ZNF254: variants seen among roughly 807,000 people sequenced by gnomAD.
The protein encoded by ZNF254 is zinc finger protein 254.
In ZNF254, 10 loss-of-function variants were observed where a neutral mutation model predicts 12.4. The ratio of observed to expected loss-of-function variants is 0.80; its 90% confidence interval spans 0.50 to 1.36. The LOEUF (loss-of-function observed/expected upper bound fraction) is 1.36, where lower values mean the gene tolerates loss of function less well. Ranked by LOEUF, ZNF254 falls within the 40% of genes most tolerant of loss-of-function variation. ZNF254 has a pLI of 0.00. For synonymous variants in ZNF254, 305 were observed against 253.4 expected, an observed-to-expected ratio of 1.20 and a Z score of -1.93; for missense variants, 996 against 763.9, an observed-to-expected ratio of 1.30 and a Z score of -3.58.
At chr19:24,122,029 A>ATGAGCTATTGAG in intron 3 of ZNF254, among the ~76,000 whole-genome samples, 1 of 152,172 alleles carries the variant, frequency 6.6e-6, no homozygotes, top group South Asian at 2.1e-4. Context: ...AATATAATTT[A>ATGAGCTATTGAG]AAACTCCCAT....
At chr19:24,048,160 G>C (rs1229656977) in intron 2 of ZNF254, among the ~76,000 whole-genome samples, 1 of 151,960 alleles carries the variant, frequency 6.6e-6, no homozygotes, top group Non-Finnish European at 1.5e-5. Flanking sequence ...ACACCATCAG[G>C]TGACCAGATG....
chr19:24,106,319 T>A, intron 2 of ZNF254: 1 of 549,210 alleles, frequency 1.8e-6, no homozygotes. Context: ...TTGTTACATC[T>A]TAAAATCCAT....
chr19:24,121,996 T>C (rs1473789960), intron 3 of ZNF254, among the ~76,000 whole-genome samples: 1 of 152,180 alleles, frequency 6.6e-6, no homozygotes, highest in Admixed American at 6.5e-5. Flanking sequence ...GATTTTTGTG[T>C]GGGAGAAACA....
intron 1 of ZNF254, among the ~76,000 whole-genome samples, chr19:24,089,921 T>C (rs1386515261): frequency 6.6e-6 from 1 of 151,196 alleles, no homozygotes; most frequent in Non-Finnish European, 1.5e-5. Flanking sequence ...CCAGGCATGG[T>C]GGCTCATGCC....
chr19:24,055,205 C>CAAAAAAAAAAAAAA (rs71167733), intron 2 of ZNF254, among the ~76,000 whole-genome samples: 1 of 28,326 alleles, frequency 3.5e-5, no homozygotes. Flanking sequence ...TCTGTCTCAC[C>CAAAAAAAAAAAAAA]AAAAAAAAAA....
In ZNF254 at chr19:24,106,146, G is replaced by A. The variant is rs987672825; in HGVS notation, c.157+80G>A. On this transcript the variant is annotated intron_variant, in intron 2 of 3. Transcript: ENST00000357002. ...TTTAGAATGTTTTCTGGTAATTTAC[G>A]CATTCAGATTTCTGTTTTCAAGAAA... 9.5e-5 allele frequency: 139 copies of A among 1,457,474 alleles called. No individual in the cohort carries two copies. The African/African-American group carries it at 1.6e-3, about 16-fold the overall frequency. 90.3% of individuals were successfully genotyped at this position (1,457,474 alleles called of 1,614,324 possible).
At chr19:24,116,455 G>T (rs543237883) in intron 3 of ZNF254, among the ~76,000 whole-genome samples, 1 of 151,620 alleles carries the variant, frequency 6.6e-6, no homozygotes, top group Non-Finnish European at 1.5e-5. Flanking sequence ...TTCATCTTCT[G>T]TCACTGATAC....
chr19:24,085,323 CAT>C (rs957295163), upstream of ZNF254, among the ~76,000 whole-genome samples: 11 of 145,086 alleles, frequency 7.6e-5, no homozygotes, highest in African/African-American at 2.5e-4. Flanking sequence ...TATTAAAAAA[CAT>C]AAAATTTTTT....
rs878906137 is a variant in ZNF254, at chr19:24,126,933, G to C, written c.933G>C (p.Glu311Asp). 7 of 1,606,406 alleles carry C rather than the reference G, an allele frequency of 4.4e-6. No homozygotes were observed. The highest frequency in any genetic ancestry group is 1.1e-5 in the South Asian group (1 of 90,578). Residue 311 changes from glutamate (E) to aspartate (D), a missense_variant, in exon 4 of 4, where the codon GAG becomes GAC. Transcript: ENST00000357002. ...TTATCTGGTCCTCAACCCTTACTGA[G>C]CATAAGAAAATTCATACTAGAAAGA... ...KAFIWSSTLT[E>D]HKKIHTRKKP... is the part of the protein sequence containing the mutation.
chr19:24,112,321 G>C (rs1213062668), intron 3 of ZNF254, among the ~76,000 whole-genome samples: 2 of 136,660 alleles, frequency 1.5e-5, no homozygotes, highest in Non-Finnish European at 3.2e-5. Flanking sequence ...CTCTGTTTTC[G>C]TACCAGTACC....
chr19:24,041,673 C>T (rs1021742061), intron 1 of ZNF254, among the ~76,000 whole-genome samples: 29 of 152,246 alleles, frequency 1.9e-4, no homozygotes, highest in Non-Finnish European at 3.7e-4. Flanking sequence ...CCAGTCCCAT[C>T]GACCACCCAA....
intron 1 of ZNF254, chr19:24,098,938 A>T (rs146105679): frequency 6.8e-6 from 1 of 147,926 alleles, no homozygotes; most frequent in Admixed American, 6.7e-5. Flanking sequence ...TGAAGGTGCA[A>T]TTCTACCCAA....
intron 1 of ZNF254, 56 bp from the exon 2 acceptor site, chr19:24,105,884 G>A (rs910773506): frequency 2.4e-5 from 38 of 1,551,686 alleles, no homozygotes; most frequent in Middle Eastern, 1.7e-4. Flanking sequence ...TGAGTCAAAT[G>A]AAAAATTCTG....
chr19:24,124,418 AT>A (rs769751114), intron 3 of ZNF254, among the ~76,000 whole-genome samples: 2 of 152,038 alleles, frequency 1.3e-5, no homozygotes, highest in Non-Finnish European at 2.9e-5. Flanking sequence ...ACTTTTGTGT[AT>A]TTGCATATTT....
chr19:24,057,505 C>G (rs1343419076), intron 2 of ZNF254, among the ~76,000 whole-genome samples: 3 of 152,212 alleles, frequency 2.0e-5, no homozygotes, highest in African/African-American at 4.8e-5. Flanking sequence ...CTCATGGGAA[C>G]CTTATAAATT....
chr19:24,121,031 G>T (rs767155764), intron 3 of ZNF254, among the ~76,000 whole-genome samples: 1 of 151,168 alleles, frequency 6.6e-6, no homozygotes, highest in African/African-American at 2.4e-5. Context: ...GAGCCACAGT[G>T]CCTGGCCATC....
At chr19:24,048,003 CTTTTTTTTTTTT>C (rs398034320) in intron 2 of ZNF254, among the ~76,000 whole-genome samples, 5 of 68,820 alleles carry the variant, frequency 7.3e-5, no homozygotes, top group Admixed American at 2.3e-4. Flanking sequence ...TTCTTTTCTT[CTTTTTTTTTTTT>C]TTTTTTTTTT....
chr19:24,088,578 C>T (rs1408238475), intron 1 of ZNF254, among the ~76,000 whole-genome samples: 2 of 152,150 alleles, frequency 1.3e-5, no homozygotes, highest in African/African-American at 4.8e-5. Context: ...CCAATGTCCC[C>T]TCCCTAATTC....
intron 1 of ZNF254, among the ~76,000 whole-genome samples, chr19:24,094,202 T>C (rs947985539): frequency 2.0e-5 from 3 of 152,210 alleles, no homozygotes; most frequent in African/African-American, 7.2e-5. Context: ...TGGAGAATTA[T>C]GTTGTCTGCA....
Sources: gnomAD v4.1 joint callset for allele counts (sites outside exome capture counted in the v4.1 genomes callset) on GRCh38, gnomAD v4.1.1 for gene constraint, MANE v1.5 for transcripts, NCBI Gene and HGNC (gene_info 2026-07-23, HGNC 2026-07-21) for gene names.